Variants in ZCCHC7 observed in about 807,000 individuals in gnomAD.
The protein encoded by ZCCHC7 is zinc finger CCHC-type containing 7, also known as zinc finger CCHC domain-containing protein 7.
In ZCCHC7, 35 loss-of-function variants were observed where a neutral mutation model predicts 52.0. That is an observed-to-expected ratio of 0.67 (90% CI 0.51 to 0.89). The LOEUF (loss-of-function observed/expected upper bound fraction) is 0.89. Among genes scored for constraint, ZCCHC7 ranks in the 40% least tolerant of loss-of-function variants. The probability of loss-of-function intolerance (pLI) is 0.00; values close to 1 mark genes in which losing one functional copy is unlikely to be tolerated. For synonymous variants in ZCCHC7, 217 were observed against 221.5 expected, an observed-to-expected ratio of 0.98 and a Z score of 0.18; for missense variants, 574 against 649.1, an observed-to-expected ratio of 0.88 and a Z score of 1.26.
chr9:37,150,753 T>G (rs1173657004), intron 2 of ZCCHC7, among the ~76,000 whole-genome samples: 1 of 152,132 alleles, frequency 6.6e-6, no homozygotes, highest in Non-Finnish European at 1.5e-5. Context: ...ATTTAATGAG[T>G]AATAATTAAT....
intron 7 of ZCCHC7, 106 bp downstream of exon 7, chr9:37,349,558 A>T: frequency 9.4e-7 from 1 of 1,068,660 alleles, no homozygotes; most frequent in Non-Finnish European, 1.4e-6. Flanking sequence ...TTTTTAATAA[A>T]CATTAAAGTA....
At chr9:37,126,975 A>C (rs1339342530) in intron 2 of ZCCHC7, 33 bp downstream of exon 2, 1 of 1,599,758 alleles carries the variant, frequency 6.3e-7, no homozygotes, top group Non-Finnish European at 8.5e-7. Context: ...TGAAAGTAGT[A>C]TCATCTTTCA....
chr9:37,192,171 C>T (rs1207377195), intron 2 of ZCCHC7, among the ~76,000 whole-genome samples: 1 of 152,146 alleles, frequency 6.6e-6, no homozygotes, highest in Non-Finnish European at 1.5e-5. Context: ...TTATGTAGTC[C>T]AGTTTCTCTC....
intron 2 of ZCCHC7, among the ~76,000 whole-genome samples, chr9:37,157,848 CA>C (rs1286944770): frequency 6.6e-6 from 1 of 152,142 alleles, no homozygotes; most frequent in African/African-American, 2.4e-5. Context: ...GGTGGGATTG[CA>C]AATTGCTATA....
chr9:37,132,357 A>G (rs756205557), intron 2 of ZCCHC7, among the ~76,000 whole-genome samples: 1 of 152,100 alleles, frequency 6.6e-6, no homozygotes, highest in Non-Finnish European at 1.5e-5. Context: ...TACTTTTTTT[A>G]TTGTGGAAAT....
chr9:37,333,160 T>C (rs1830516216), intron 6 of ZCCHC7, among the ~76,000 whole-genome samples: 3 of 151,702 alleles, frequency 2.0e-5, no homozygotes, highest in African/African-American at 7.2e-5. Flanking sequence ...TTTATGATGG[T>C]AATCCTAATG....
chr9:37,151,219 G>T (rs1181251335), intron 2 of ZCCHC7, among the ~76,000 whole-genome samples: 1 of 151,968 alleles, frequency 6.6e-6, no homozygotes, highest in Non-Finnish European at 1.5e-5. Flanking sequence ...ACCCGCCTCG[G>T]CCTCCCAAAG....
At chr9:37,267,947 C>A (rs1376509204) in intron 2 of ZCCHC7, among the ~76,000 whole-genome samples, 1 of 152,084 alleles carries the variant, frequency 6.6e-6, no homozygotes, top group African/African-American at 2.4e-5. Context: ...TCGAGGGATC[C>A]TCTCACCTTG....
At chr9:37,168,751 G>C (rs1341147628) in intron 2 of ZCCHC7, among the ~76,000 whole-genome samples, 3 of 151,970 alleles carry the variant, frequency 2.0e-5, no homozygotes, top group Non-Finnish European at 4.4e-5. Flanking sequence ...AAAGTACCCA[G>C]TACATATTTG....
At chr9:37,291,037 T>C (rs62533801) in intron 2 of ZCCHC7, among the ~76,000 whole-genome samples, 20,733 of 152,262 alleles carry the variant, frequency 0.14, 1,724 homozygotes, top group Non-Finnish European at 0.17. Context: ...CCTAAAGTAT[T>C]GCATTATCTT....
At chr9:37,234,027 T>C (rs940177521) in intron 2 of ZCCHC7, among the ~76,000 whole-genome samples, 8 of 151,772 alleles carry the variant, frequency 5.3e-5, no homozygotes, top group Non-Finnish European at 1.2e-4. Context: ...CTAATATTTG[T>C]ATTTTTAGTA....
intron 2 of ZCCHC7, among the ~76,000 whole-genome samples, chr9:37,217,384 A>C (rs1294637034): frequency 6.6e-6 from 1 of 152,186 alleles, no homozygotes; most frequent in Non-Finnish European, 1.5e-5. Context: ...GTTTTAGTCT[A>C]TGTGAGTCAT....
intron 2 of ZCCHC7, among the ~76,000 whole-genome samples, chr9:37,225,581 T>C (rs1038562077): frequency 6.6e-6 from 1 of 152,156 alleles, no homozygotes; most frequent in Non-Finnish European, 1.5e-5. Flanking sequence ...TATTAAAAGA[T>C]TAATATGTCA....
At chr9:37,218,550 T>C (rs1824635876) in intron 2 of ZCCHC7, among the ~76,000 whole-genome samples, 4 of 152,252 alleles carry the variant, frequency 2.6e-5, no homozygotes, top group African/African-American at 9.6e-5. Context: ...CTCACGCCTG[T>C]AATCCCCCAG....
At chr9:37,247,566 G>A (rs1356080850) in intron 2 of ZCCHC7, among the ~76,000 whole-genome samples, 2 of 152,144 alleles carry the variant, frequency 1.3e-5, no homozygotes, top group Non-Finnish European at 2.9e-5. Context: ...CAGTATAGCA[G>A]TTAAGGACAT....
intron 2 of ZCCHC7, among the ~76,000 whole-genome samples, chr9:37,180,090 G>A (rs1822267325): frequency 1.3e-5 from 2 of 152,086 alleles, no homozygotes; most frequent in Admixed American, 6.5e-5. Flanking sequence ...TAGGCATGTA[G>A]TAGACTACTC....
chr9:37,128,952 T>C (rs1259693521), intron 2 of ZCCHC7, among the ~76,000 whole-genome samples: 1 of 152,236 alleles, frequency 6.6e-6, no homozygotes, highest in African/African-American at 2.4e-5. Flanking sequence ...AGATCACACC[T>C]AGTTTCATTA....
intron 2 of ZCCHC7, among the ~76,000 whole-genome samples, chr9:37,129,659 G>C (rs1204709495): frequency 6.6e-6 from 1 of 152,008 alleles, no homozygotes; most frequent in Non-Finnish European, 1.5e-5. Context: ...TAATTATTTT[G>C]TGTTCTGTTT....
At chr9:37,319,213 A>T (rs1419980120) in intron 5 of ZCCHC7, among the ~76,000 whole-genome samples, 1 of 151,928 alleles carries the variant, frequency 6.6e-6, no homozygotes, top group East Asian at 1.9e-4. Flanking sequence ...CTAATTTTTA[A>T]TGAGTGTTAA....
Sources: gnomAD v4.1 joint callset for allele counts (sites outside exome capture counted in the v4.1 genomes callset) on GRCh38, gnomAD v4.1.1 for gene constraint, MANE v1.5 for transcripts, NCBI Gene and HGNC (gene_info 2026-07-23, HGNC 2026-07-21) for gene names.